Variants in DIABLO observed in about 807,000 individuals in gnomAD.
The protein encoded by DIABLO is diablo homolog, mitochondrial.
In DIABLO, 32 loss-of-function variants were observed where a neutral mutation model predicts 31.7. That is an observed-to-expected ratio of 1.01 (90% CI 0.76 to 1.35). The LOEUF is 1.35. Ranked by LOEUF, DIABLO falls within the 40% of genes most tolerant of loss-of-function variation. The pLI, the probability that DIABLO is intolerant of heterozygous loss-of-function variation, is 0.00. For missense variants in DIABLO, 316 were observed against 286.4 expected (o/e 1.10, Z -0.75); for synonymous variants, 132 against 103.2 (o/e 1.28, Z -1.69).
chr12:122,226,540 C>CGTGGACG (rs1400904033), upstream of DIABLO: 3 of 698,750 alleles, frequency 4.3e-6, no homozygotes, highest in African/African-American at 3.5e-5. Flanking sequence ...AGCTGCAGCA[C>CGTGGACG]GTGGACGGTG....
intron 2 of DIABLO, 84 bp from the exon 3 acceptor site, chr12:122,218,481 G>A (rs2136099266): frequency 6.4e-7 from 1 of 1,570,318 alleles, no homozygotes; most frequent in South Asian, 1.1e-5. Flanking sequence ...AAACGTAATT[G>A]TCATGCTGCT....
chr12:122,219,908 A>G (rs571513776), intron 2 of DIABLO, among the ~76,000 whole-genome samples: 2 of 150,778 alleles, frequency 1.3e-5, no homozygotes, highest in Non-Finnish European at 3.0e-5. Flanking sequence ...TCTGAGCAGA[A>G]TGAAGCAGTA....
intron 2 of DIABLO, chr12:122,221,246 C>G (rs906251601): frequency 6.6e-6 from 1 of 152,174 alleles, no homozygotes; most frequent in Non-Finnish European, 1.5e-5. Flanking sequence ...TACCTAGAAT[C>G]AGAATGGCCA....
At chr12:122,224,736 G>C in intron 1 of DIABLO, 92 bp from the exon 2 acceptor site, 1 of 1,611,532 alleles carries the variant, frequency 6.2e-7, no homozygotes, top group Non-Finnish European at 8.5e-7. Flanking sequence ...TCAAACTCGA[G>C]CCAAGCAGGA....
chr12:122,212,774 G>A (rs539676095), intron 5 of DIABLO, among the ~76,000 whole-genome samples: 45 of 151,298 alleles, frequency 3.0e-4, no homozygotes, highest in Non-Finnish European at 4.7e-4. Context: ...ACAGGCACCC[G>A]CCACCACACA....
intron 2 of DIABLO, among the ~76,000 whole-genome samples, chr12:122,219,437 T>C (rs1954287090): frequency 6.6e-6 from 1 of 152,064 alleles, no homozygotes. Flanking sequence ...CAATCATGTA[T>C]CATGGAAGCT....
chr12:122,216,873 C>T lies in DIABLO; in HGVS notation c.316-4G>A, dbSNP rs747853500. 6.2e-7 allele frequency: 1 copy of T among 1,607,596 alleles called. No individual in the cohort carries two copies. The highest frequency in any genetic ancestry group is 8.5e-7 in the Non-Finnish European group (1 of 1,174,430). The stretch of plus-strand genomic sequence containing the variant: ...GAGAAGTTAAGGTATAAACAGCCTA[C>T]AAATAGAGAATGAACAAGTCTGAGT... On this transcript the variant is annotated splice_polypyrimidine_tract_variant and splice_region_variant and intron_variant, in intron 3 of 5. Transcript: ENST00000464942.
chr12:122,215,422 T>C (rs1954186399), intron 5 of DIABLO, among the ~76,000 whole-genome samples: 1 of 151,754 alleles, frequency 6.6e-6, no homozygotes, highest in South Asian at 2.1e-4. Flanking sequence ...CTATTAAAAA[T>C]ACAAAAACTA....
chr12:122,211,556 A>AG (rs1357194050), intron 5 of DIABLO, among the ~76,000 whole-genome samples: 1 of 151,836 alleles, frequency 6.6e-6, no homozygotes. Context: ...AAAAAAAAAA[A>AG]GAAAATTAGT....
chr12:122,214,216 C>CT (rs1436447467), intron 5 of DIABLO, among the ~76,000 whole-genome samples: 2 of 152,108 alleles, frequency 1.3e-5, no homozygotes, highest in Non-Finnish European at 2.9e-5. Flanking sequence ...GATGGGGTCT[C>CT]ACTCTGTTGC....
intron 2 of DIABLO, chr12:122,222,265 C>G (rs527941130): frequency 6.6e-6 from 1 of 152,318 alleles, no homozygotes; most frequent in South Asian, 2.1e-4. Context: ...CTCCATCCTA[C>G]TAAATGGCAT....
At chr12:122,216,296 G>C (rs2136095193) in intron 5 of DIABLO, among the ~76,000 whole-genome samples, 192 bp downstream of exon 5, 1 of 152,248 alleles carries the variant, frequency 6.6e-6, no homozygotes, top group South Asian at 2.1e-4. Context: ...GTCTGCAAGG[G>C]TATGCTCATT....
chr12:122,215,586 A>G (rs887731533), intron 5 of DIABLO, among the ~76,000 whole-genome samples: 2 of 152,184 alleles, frequency 1.3e-5, no homozygotes, highest in Non-Finnish European at 2.9e-5. Context: ...CCTGGGTGAC[A>G]GGAACAAAAC....
intron 5 of DIABLO, among the ~76,000 whole-genome samples, chr12:122,215,762 C>T (rs1954195838): frequency 6.6e-6 from 1 of 151,586 alleles, no homozygotes; most frequent in Admixed American, 6.6e-5. Flanking sequence ...ACCTACTTGG[C>T]TCCGTGGCTC....
At chr12:122,219,961 T>G (rs1274280658) in intron 2 of DIABLO, among the ~76,000 whole-genome samples, 1 of 147,042 alleles carries the variant, frequency 6.8e-6, no homozygotes, top group Non-Finnish European at 1.5e-5. Context: ...TTTTTTTTTT[T>G]GAGACAGAGT....
At chr12:122,210,834 T>C (rs922788455) in intron 5 of DIABLO, among the ~76,000 whole-genome samples, 3 of 151,902 alleles carry the variant, frequency 2.0e-5, no homozygotes, top group African/African-American at 4.8e-5. Flanking sequence ...AAAACCACTC[T>C]GCAAAACCAG....
chr12:122,220,873 C>G (rs991155732), intron 2 of DIABLO: 14 of 152,192 alleles, frequency 9.2e-5, no homozygotes, highest in African/African-American at 3.1e-4. Flanking sequence ...AAAGACACCT[C>G]TGCTCACAAG....
intron 5 of DIABLO, among the ~76,000 whole-genome samples, chr12:122,210,116 C>T (rs139008149): frequency 4.6e-5 from 7 of 152,156 alleles, no homozygotes; most frequent in Middle Eastern, 3.4e-3. Context: ...TAAATGGCTA[C>T]GTTTGATTTA....
In DIABLO at chr12:122,216,454, T is replaced by A. The variant is rs2271411; in HGVS notation, c.523+34A>T. On this transcript the variant is annotated intron_variant, in intron 5 of 5. Coordinates refer to ENST00000464942, the MANE Select transcript of DIABLO (RefSeq NM_001371333.1). ...AATGGTACCTTCCTAGTTAAAAAAT[T>A]AAAAAAAAAACCCAACACAAAACTT... 526,138 of 1,446,150 alleles carry A rather than the reference T, an allele frequency of 0.36. 89,442 individuals are homozygous for A. The highest frequency in any genetic ancestry group is 0.74 in the African/African-American group (50,120 of 67,728). 89.6% of individuals were successfully genotyped at this position (1,446,150 alleles called of 1,614,324 possible). A position where few individuals can be genotyped will look rare whatever the true frequency, so the allele number is the denominator to read the frequency against.
Sources: allele counts gnomAD v4.1 joint callset (sites outside exome capture counted in the v4.1 genomes callset), GRCh38; gene constraint gnomAD v4.1.1; transcripts MANE v1.5; gene names NCBI Gene and HGNC (gene_info 2026-07-23, HGNC 2026-07-21).